Variants in ZNF385B observed in about 807,000 individuals in gnomAD.
ZNF385B encodes the protein zinc finger protein 385B, also known as zinc finger protein 533.
Under a neutral mutation model 39.2 loss-of-function variants are expected in ZNF385B, and 23 were observed. The ratio of observed to expected loss-of-function variants is 0.59; its 90% CI spans 0.42 to 0.83. The LOEUF is 0.83. ZNF385B is among the 40% of genes least tolerant of loss of function. The pLI is 0.00. For synonymous variants in ZNF385B, 205 were observed against 222.6 expected (o/e 0.92, Z 0.70); for missense variants, 552 against 598.9 (o/e 0.92, Z 0.82).
chr2:179,534,544 T>C (rs970371715), intron 4 of ZNF385B, among the ~76,000 whole-genome samples: 1 of 152,128 alleles, frequency 6.6e-6, no homozygotes, highest in African/African-American at 2.4e-5. Context: ...TATAATAAAC[T>C]CAAATCTTCA....
At chr2:179,645,768 G>T (rs760251367) in intron 3 of ZNF385B, among the ~76,000 whole-genome samples, 1 of 152,140 alleles carries the variant, frequency 6.6e-6, no homozygotes, top group Non-Finnish European at 1.5e-5. Context: ...GTCCTATAGG[G>T]CAGGGCTCAT....
chr2:179,482,986 G>T (rs13405816), intron 6 of ZNF385B, among the ~76,000 whole-genome samples: 1 of 151,442 alleles, frequency 6.6e-6, no homozygotes, highest in East Asian at 1.9e-4. Context: ...TGAACACATT[G>T]TGATCAAGTA....
chr2:179,537,771 A>C (rs867831782), intron 4 of ZNF385B, among the ~76,000 whole-genome samples: 8 of 151,620 alleles, frequency 5.3e-5, no homozygotes, highest in African/African-American at 1.5e-4. Context: ...ACAAACAAAA[A>C]AAAAAATTAA....
intron 3 of ZNF385B, among the ~76,000 whole-genome samples, chr2:179,594,826 T>A (rs544222395): frequency 2.2e-4 from 33 of 152,160 alleles, no homozygotes; most frequent in African/African-American, 7.7e-4. Flanking sequence ...TTGTTTTTTT[T>A]AGACAAGGTC....
At chr2:179,754,040 G>C (rs1702853754) in intron 3 of ZNF385B, among the ~76,000 whole-genome samples, 1 of 152,122 alleles carries the variant, frequency 6.6e-6, no homozygotes, top group Non-Finnish European at 1.5e-5. Context: ...TCCAGTTTTT[G>C]CCCATTCAGT....
At chr2:179,820,610 T>A (rs926415871) in intron 1 of ZNF385B, among the ~76,000 whole-genome samples, 1 of 152,106 alleles carries the variant, frequency 6.6e-6, no homozygotes, top group African/African-American at 2.4e-5. Context: ...TCAAATTATA[T>A]TTTTAAATAA....
intron 3 of ZNF385B, among the ~76,000 whole-genome samples, chr2:179,730,370 A>G (rs921876277): frequency 1.3e-5 from 2 of 152,220 alleles, no homozygotes; most frequent in African/African-American, 4.8e-5. Context: ...AAAGGAGTTA[A>G]ATGTTGACCT....
chr2:179,697,728 A>G (rs763342724), intron 3 of ZNF385B, among the ~76,000 whole-genome samples: 1 of 152,130 alleles, frequency 6.6e-6, no homozygotes, highest in Admixed American at 6.5e-5. Flanking sequence ...TTTTTGGTAA[A>G]TGGAAACGAA....
At chr2:179,575,049 T>C (rs764584798) in intron 3 of ZNF385B, among the ~76,000 whole-genome samples, 7 of 152,108 alleles carry the variant, frequency 4.6e-5, no homozygotes, top group Non-Finnish European at 1.0e-4. Context: ...CCTCTCTGGA[T>C]GGTCTGCTTG....
chr2:179,775,184 T>C (rs1192824039), intron 1 of ZNF385B, among the ~76,000 whole-genome samples: 1 of 152,208 alleles, frequency 6.6e-6, no homozygotes, highest in Non-Finnish European at 1.5e-5. Context: ...TTTCATTGAA[T>C]GTTTTGGTAT....
chr2:179,505,836 G>A (rs908657772), intron 5 of ZNF385B, among the ~76,000 whole-genome samples: 4 of 151,950 alleles, frequency 2.6e-5, no homozygotes, highest in South Asian at 4.1e-4. Flanking sequence ...ATAAAAAAAC[G>A]GACCAAAAAT....
rs574491139 is a variant in ZNF385B at position 179,452,608 on chromosome 2, G to C, written c.716-5838C>G. ...CAAATTTTTATTATTTGACTTGTAAGATTTGCTTTTGAGTTTAATTTTATT... is the reference window on the plus strand; with the variant it reads ...CAAATTTTTATTATTTGACTTGTAACATTTGCTTTTGAGTTTAATTTTATT... On this transcript the variant is annotated intron_variant, in intron 6 of 9. Coordinates refer to ENST00000410066, the MANE Select transcript of ZNF385B (RefSeq NM_152520.6). Among the ~76,000 whole-genome samples, 3 of 152,174 alleles carry C rather than the reference G, an allele frequency of 2.0e-5. No individual in the cohort carries two copies. The South Asian group carries it at 6.2e-4, about 32-fold the overall frequency.
intron 1 of ZNF385B, among the ~76,000 whole-genome samples, chr2:179,844,297 C>T (rs1708689949): frequency 6.6e-6 from 1 of 152,186 alleles, no homozygotes; most frequent in Admixed American, 6.5e-5. Flanking sequence ...TTCCTTTCTG[C>T]TCTTGCAGTA....
At chr2:179,705,019 T>C (rs1699482677) in intron 3 of ZNF385B, among the ~76,000 whole-genome samples, 1 of 152,164 alleles carries the variant, frequency 6.6e-6, no homozygotes, top group African/African-American at 2.4e-5. Context: ...TGCCCCCTTT[T>C]TTTCCCCTGG....
At chr2:179,799,123 C>T (rs931630187) in intron 1 of ZNF385B, among the ~76,000 whole-genome samples, 1 of 151,988 alleles carries the variant, frequency 6.6e-6, no homozygotes, top group African/African-American at 2.4e-5. Flanking sequence ...CTGCATTGTA[C>T]AGCTTTTCTC....
chr2:179,478,976 A>C (rs1259488703), intron 6 of ZNF385B, among the ~76,000 whole-genome samples: 2 of 152,074 alleles, frequency 1.3e-5, no homozygotes, highest in African/African-American at 2.4e-5. Flanking sequence ...TGTTCTAGCC[A>C]TCTTCCTGAA....
At chr2:179,617,776 C>A (rs1458221515) in intron 3 of ZNF385B, among the ~76,000 whole-genome samples, 1 of 152,130 alleles carries the variant, frequency 6.6e-6, no homozygotes, top group Non-Finnish European at 1.5e-5. Flanking sequence ...TACCTGCATA[C>A]TGGTGGGGGT....
chr2:179,743,929 T>A (rs1327751309), intron 3 of ZNF385B, among the ~76,000 whole-genome samples: 1 of 152,130 alleles, frequency 6.6e-6, no homozygotes, highest in Non-Finnish European at 1.5e-5. Flanking sequence ...TCATAGCACA[T>A]ACACGTACAA....
chr2:179,634,514 C>G (rs1002825066), intron 3 of ZNF385B, among the ~76,000 whole-genome samples: 6 of 152,170 alleles, frequency 3.9e-5, no homozygotes, highest in Admixed American at 2.0e-4. Context: ...TACCATCTCA[C>G]AGTAGTTAGA....
Sources: gnomAD v4.1 joint callset for allele counts (sites outside exome capture counted in the v4.1 genomes callset) on GRCh38, gnomAD v4.1.1 for gene constraint, MANE v1.5 for transcripts, NCBI Gene and HGNC (gene_info 2026-07-23, HGNC 2026-07-21) for gene names.